EYS: variants seen among roughly 807,000 people sequenced by gnomAD.
EYS encodes the protein EGF-like photoreceptor maintenance factor, also known as protein eyes shut homolog.
In EYS, 250 loss-of-function variants were observed where a neutral mutation model predicts 282.1. The ratio of observed to expected loss-of-function variants is 0.89; its 90% CI spans 0.80 to 0.98. EYS has a LOEUF of 0.98. EYS is among the 50% of genes least tolerant of loss of function. The probability of loss-of-function intolerance (pLI) is 0.00; values close to 1 mark genes in which losing one functional copy is unlikely to be tolerated. For missense variants in EYS, 4,016 were observed against 3,709.0 expected (o/e 1.08, Z -2.15); for synonymous variants, 1,355 against 1,282.9 (o/e 1.06, Z -1.20).
At chr6:63,747,103 G>T (rs1309717791) in intron 41 of EYS, among the ~76,000 whole-genome samples, 2 of 152,070 alleles carry the variant, frequency 1.3e-5, no homozygotes, top group African/African-American at 2.4e-5. Context: ...CACTGCTTTA[G>T]CTGTGTCCTA....
intron 9 of EYS, among the ~76,000 whole-genome samples, chr6:65,348,714 T>G (rs939035877): frequency 6.6e-6 from 1 of 151,698 alleles, no homozygotes; most frequent in Non-Finnish European, 1.5e-5. Context: ...GCATTTTAAC[T>G]TGCTGTGAGC....
At chr6:65,041,367 T>G (rs1034811102) in intron 13 of EYS, among the ~76,000 whole-genome samples, 1 of 151,628 alleles carries the variant, frequency 6.6e-6, no homozygotes, top group African/African-American at 2.4e-5. Context: ...TTAAGATATG[T>G]CCTCATGATT....
At chr6:64,719,016 T>C (rs1771486860) in intron 22 of EYS, among the ~76,000 whole-genome samples, 1 of 152,186 alleles carries the variant, frequency 6.6e-6, no homozygotes, top group Non-Finnish European at 1.5e-5. Context: ...GACGATTTTC[T>C]TAGGATGAAG....
chr6:64,324,387 A>C (rs7757305), intron 29 of EYS, among the ~76,000 whole-genome samples: 95,146 of 152,040 alleles, frequency 0.63, 30,524 homozygotes, highest in South Asian at 0.71. Flanking sequence ...AAAATCAAAT[A>C]ATCATTGTGA....
chr6:65,541,903 T>C (rs577026799), intron 2 of EYS, among the ~76,000 whole-genome samples: 1 of 152,244 alleles, frequency 6.6e-6, no homozygotes, highest in Admixed American at 6.5e-5. Context: ...TCACGGAGGA[T>C]GGAATGCAAT....
intron 12 of EYS, among the ~76,000 whole-genome samples, chr6:65,212,040 G>A (rs12195002): frequency 0.042 from 6,404 of 151,244 alleles, 182 homozygotes; most frequent in Non-Finnish European, 0.064. Context: ...GTGAAGCAAG[G>A]AAAACAAAAC....
intron 41 of EYS, among the ~76,000 whole-genome samples, chr6:63,733,314 G>A (rs1421737760): frequency 6.6e-6 from 1 of 152,100 alleles, no homozygotes; most frequent in African/African-American, 2.4e-5. Context: ...AGGTCCAAGG[G>A]TACATGTGCA....
At chr6:65,569,296 C>T (rs749917116) in intron 2 of EYS, among the ~76,000 whole-genome samples, 1 of 152,036 alleles carries the variant, frequency 6.6e-6, no homozygotes, top group Admixed American at 6.6e-5. Context: ...ACGGCCCCAC[C>T]CTTATTTCCC....
chr6:64,013,292 G>A (rs1364073821), intron 33 of EYS, among the ~76,000 whole-genome samples: 1 of 152,140 alleles, frequency 6.6e-6, no homozygotes, highest in Non-Finnish European at 1.5e-5. Flanking sequence ...AATGGGACTC[G>A]CAGCATATTC....
intron 29 of EYS, among the ~76,000 whole-genome samples, chr6:64,355,984 C>A (rs1000553711): frequency 6.6e-6 from 1 of 151,630 alleles, no homozygotes; most frequent in Non-Finnish European, 1.5e-5. Context: ...ATCTCATTTA[C>A]TCCTGACCAC....
intron 30 of EYS, among the ~76,000 whole-genome samples, chr6:64,245,985 G>C (rs896232620): frequency 1.5e-3 from 173 of 116,518 alleles, no homozygotes; most frequent in South Asian, 4.1e-3. Context: ...CGCCACTGCA[G>C]TCCAGCCTGG....
At chr6:64,859,585 T>C (rs1438488994) in intron 19 of EYS, among the ~76,000 whole-genome samples, 1 of 152,188 alleles carries the variant, frequency 6.6e-6, no homozygotes, top group African/African-American at 2.4e-5. Context: ...GCTCTCATTA[T>C]ACTGAATAAG....
rs536314776 is a variant in EYS, at chr6:65,686,265, C to T, written c.-448+20870G>A. ...TTCTTCCCGGCTCTTCCCCAGAAGA[C>T]AATGCTAAGAGCCCTTAATTGATAC... On this transcript the variant is annotated intron_variant, in intron 1 of 42. Coordinates refer to ENST00000503581, the MANE Select transcript of EYS (RefSeq NM_001142800.2). Among the ~76,000 whole-genome samples the T allele has an allele frequency of 2.4e-4, 37 of 152,126 alleles. No individual in the cohort carries two copies. The South Asian group carries it at 7.3e-3, about 30-fold the overall frequency.
chr6:65,579,119 A>G (rs1323027714), intron 2 of EYS, among the ~76,000 whole-genome samples: 1 of 152,136 alleles, frequency 6.6e-6, no homozygotes, highest in African/African-American at 2.4e-5. Context: ...GACTAATGAG[A>G]AACTTTTGAC....
chr6:65,538,054 T>C (rs1413773105), intron 2 of EYS, among the ~76,000 whole-genome samples: 1 of 152,120 alleles, frequency 6.6e-6, no homozygotes, highest in Non-Finnish European at 1.5e-5. Flanking sequence ...TTTTATTAAA[T>C]AGCAATAAAA....
chr6:64,769,521 G>T (rs756304318), intron 22 of EYS, among the ~76,000 whole-genome samples: 1 of 152,014 alleles, frequency 6.6e-6, no homozygotes, highest in African/African-American at 2.4e-5. Flanking sequence ...GTACAAAAAT[G>T]GGTGTCCAGA....
At chr6:65,449,088 A>C (rs1439399828) in intron 5 of EYS, among the ~76,000 whole-genome samples, 1 of 152,074 alleles carries the variant, frequency 6.6e-6, no homozygotes, top group African/African-American at 2.4e-5. Context: ...TAAGCTATGG[A>C]CCGAGCACAA....
At chr6:64,762,168 C>T (rs559493663) in intron 22 of EYS, among the ~76,000 whole-genome samples, 4 of 152,108 alleles carry the variant, frequency 2.6e-5, no homozygotes, top group South Asian at 4.2e-4. Flanking sequence ...ACTCCATAGA[C>T]CATATAAAAT....
intron 18 of EYS, 142 bp from the exon 19 acceptor site, chr6:64,886,984 A>G: frequency 1.6e-6 from 1 of 631,030 alleles, no homozygotes; most frequent in Non-Finnish European, 2.5e-6. Context: ...TTTCTTTGAA[A>G]AAATATAGCA....
Sources: allele counts gnomAD v4.1 joint callset (sites outside exome capture counted in the v4.1 genomes callset), GRCh38; gene constraint gnomAD v4.1.1; transcripts MANE v1.5; gene names NCBI Gene and HGNC (gene_info 2026-07-23, HGNC 2026-07-21).